Variants in HEMK2 observed in about 807,000 individuals in gnomAD.
HEMK2 encodes HemK methyltransferase 2, ETF1 glutamine and histone H4 lysine.
At chr21:28,688,600 T>A in the HEMK2 span, among the ~76,000 whole-genome samples, 173 of 152,038 alleles carry the variant, frequency 1.1e-3, no homozygotes, top group African/African-American at 3.8e-3. Flanking sequence ...ATAAATGTTG[T>A]TGAATGAATA....
the HEMK2 span, among the ~76,000 whole-genome samples, chr21:28,681,700 G>T: frequency 4.6e-5 from 7 of 152,006 alleles, no homozygotes; most frequent in Non-Finnish European, 2.9e-5. Flanking sequence ...TACCAAAACA[G>T]AGATATAGAC....
At chr21:28,605,738 T>C in the HEMK2 span, among the ~76,000 whole-genome samples, 1 of 152,234 alleles carries the variant, frequency 6.6e-6, no homozygotes, top group Non-Finnish European at 1.5e-5. Context: ...CGTGTGTTTA[T>C]GTGTGTATAT....
At chr21:28,868,165 AATAAT>A in the HEMK2 span, among the ~76,000 whole-genome samples, 1 of 152,106 alleles carries the variant, frequency 6.6e-6, no homozygotes, top group African/African-American at 2.4e-5. Flanking sequence ...ACTGTTGTTT[AATAAT>A]AAGTATTTGG....
At chr21:28,729,833 G>T in the HEMK2 span, among the ~76,000 whole-genome samples, 7 of 152,160 alleles carry the variant, frequency 4.6e-5, no homozygotes, top group Admixed American at 3.9e-4. Flanking sequence ...AAGACGGGTT[G>T]TCGAGTGATA....
chr21:28,734,246 A>G, the HEMK2 span, among the ~76,000 whole-genome samples: 1 of 152,216 alleles, frequency 6.6e-6, no homozygotes, highest in East Asian at 1.9e-4. Flanking sequence ...CATTGAAAAC[A>G]GTTTAGACTC....
the HEMK2 span, among the ~76,000 whole-genome samples, chr21:28,744,147 A>G: frequency 1.3e-5 from 2 of 152,160 alleles, no homozygotes; most frequent in Non-Finnish European, 2.9e-5. Context: ...TACTATGCTT[A>G]GTACCTGGGT....
At chr21:28,706,727 G>A in the HEMK2 span, among the ~76,000 whole-genome samples, 4 of 152,112 alleles carry the variant, frequency 2.6e-5, no homozygotes, top group Non-Finnish European at 4.4e-5. Context: ...AATAAGCCCA[G>A]TTTATAAAAT....
the HEMK2 span, among the ~76,000 whole-genome samples, chr21:28,841,305 TATAA>T: frequency 5.6e-4 from 6 of 10,632 alleles, 1 homozygote; most frequent in East Asian, 0.019. Flanking sequence ...ATATATTATA[TATAA>T]TATATAATAT....
chr21:28,867,848 T>C, the HEMK2 span, among the ~76,000 whole-genome samples: 1 of 152,204 alleles, frequency 6.6e-6, no homozygotes, highest in Non-Finnish European at 1.5e-5. Flanking sequence ...TGATTCTTTT[T>C]TATTTTATAG....
the HEMK2 span, among the ~76,000 whole-genome samples, chr21:28,726,156 T>C: frequency 6.6e-6 from 1 of 152,166 alleles, no homozygotes; most frequent in East Asian, 1.9e-4. Context: ...ATTAACATAA[T>C]TCACCACAGA....
chr21:28,587,220 A>G, the HEMK2 span, among the ~76,000 whole-genome samples: 2 of 151,812 alleles, frequency 1.3e-5, no homozygotes, highest in Admixed American at 1.3e-4. Flanking sequence ...TGATCCCACA[A>G]TGCTTGCTCT....
chr21:28,863,430 A>T, the HEMK2 span, among the ~76,000 whole-genome samples: 116 of 50,602 alleles, frequency 2.3e-3, 6 homozygotes, highest in Middle Eastern at 9.1e-3. Flanking sequence ...ATATATATAT[A>T]TATATATATA....
the HEMK2 span, among the ~76,000 whole-genome samples, chr21:28,590,664 T>C: frequency 1.3e-5 from 2 of 152,234 alleles, no homozygotes; most frequent in African/African-American, 4.8e-5. Context: ...CTGCCAATTA[T>C]GAAGCAGCAG....
At chr21:28,830,473 T>A in the HEMK2 span, among the ~76,000 whole-genome samples, 1 of 152,180 alleles carries the variant, frequency 6.6e-6, no homozygotes, top group Non-Finnish European at 1.5e-5. Flanking sequence ...TATGGAACTG[T>A]GAGTCAATTA....
At chr21:28,657,067 T>C in the HEMK2 span, among the ~76,000 whole-genome samples, 2 of 152,126 alleles carry the variant, frequency 1.3e-5, no homozygotes, top group African/African-American at 2.4e-5. Context: ...TTTTTTGTCA[T>C]GCAGCATATT....
chr21:28,657,629 A>C, the HEMK2 span, among the ~76,000 whole-genome samples: 29,534 of 152,060 alleles, frequency 0.19, 3,073 homozygotes, highest in East Asian at 0.38. Context: ...TGAGATTCAT[A>C]TCCTCATAAC....
At chr21:28,697,643 C>G in the HEMK2 span, among the ~76,000 whole-genome samples, 1 of 152,090 alleles carries the variant, frequency 6.6e-6, no homozygotes, top group African/African-American at 2.4e-5. Context: ...CTGCCACCTT[C>G]TTTCTCTCTT....
chr21:28,719,937 G>A, the HEMK2 span, among the ~76,000 whole-genome samples: 1 of 152,236 alleles, frequency 6.6e-6, no homozygotes, highest in East Asian at 1.9e-4. Context: ...TCCCAGCTGA[G>A]GTTGAACAAG....
the HEMK2 span, among the ~76,000 whole-genome samples, chr21:28,848,932 C>T: frequency 5.3e-5 from 8 of 152,324 alleles, no homozygotes; most frequent in Admixed American, 5.2e-4. Context: ...CGCTCTGCCA[C>T]TGGTATGAGT....
Sources: gnomAD v4.1 joint callset for allele counts (sites outside exome capture counted in the v4.1 genomes callset) on GRCh38, gnomAD v4.1.1 for gene constraint, MANE v1.5 for transcripts, NCBI Gene and HGNC (gene_info 2026-07-23, HGNC 2026-07-21) for gene names.